Variants in CEP63 observed in about 807,000 individuals in gnomAD.
CEP63 encodes centrosomal protein of 63 kDa.
Under a neutral mutation model 89.1 loss-of-function variants are expected in CEP63, and 84 were observed. That is an observed-to-expected ratio of 0.94 (90% CI 0.79 to 1.13). CEP63 has a LOEUF of 1.13. CEP63 is among the 50% of genes most tolerant of loss of function. CEP63 has a pLI of 0.00. For synonymous variants in CEP63, 267 were observed against 272.5 expected (o/e 0.98, Z 0.20); for missense variants, 838 against 813.3 (o/e 1.03, Z -0.37).
the CEP63 span, chr3:134,619,143 C>T: frequency 4.7e-5 from 76 of 1,611,546 alleles, no homozygotes; most frequent in East Asian, 6.7e-5. Context: ...TCCTGTCTCT[C>T]GTACCTGCAC....
chr3:134,763,229 G>A, the CEP63 span, among the ~76,000 whole-genome samples: 7 of 151,788 alleles, frequency 4.6e-5, no homozygotes, highest in Non-Finnish European at 7.4e-5. Flanking sequence ...ATCCCTCCCC[G>A]CTCCCTCCAC....
chr3:134,538,165 A>T (rs1395758403), intron 6 of CEP63, among the ~76,000 whole-genome samples: 3 of 148,752 alleles, frequency 2.0e-5, no homozygotes. Flanking sequence ...ATGAGGGAAC[A>T]GCCTGGGTAA....
chr3:134,551,724 C>CATATATAT (rs71139540), intron 11 of CEP63, among the ~76,000 whole-genome samples: 4 of 81,530 alleles, frequency 4.9e-5, no homozygotes, highest in African/African-American at 1.6e-4. Flanking sequence ...TTAGAAAGTC[C>CATATATAT]ATATATATAT....
At chr3:134,506,979 T>C in intron 2 of CEP63, 130 bp from the exon 3 acceptor site, 4 of 591,318 alleles carry the variant, frequency 6.8e-6, no homozygotes. Flanking sequence ...TGGTAATTTA[T>C]TAATTTACAT....
the CEP63 span, among the ~76,000 whole-genome samples, chr3:134,683,434 G>A: frequency 1.3e-5 from 2 of 152,286 alleles, no homozygotes; most frequent in South Asian, 4.1e-4. Context: ...AGGTCAAACA[G>A]CATGATTTGG....
chr3:134,766,774 G>T, the CEP63 span, among the ~76,000 whole-genome samples: 14 of 152,190 alleles, frequency 9.2e-5, no homozygotes, highest in African/African-American at 3.4e-4. Flanking sequence ...CAGGCTCCAA[G>T]GAAAAGAGGA....
At chr3:134,533,090 A>G (rs1950165326) in intron 5 of CEP63, among the ~76,000 whole-genome samples, 190 bp downstream of exon 5, 1 of 152,214 alleles carries the variant, frequency 6.6e-6, no homozygotes, top group African/African-American at 2.4e-5. Context: ...TAACGGGGTT[A>G]CTGGCCATCA....
At chr3:134,506,795 G>A (rs1943552227) in intron 2 of CEP63, among the ~76,000 whole-genome samples, 1 of 151,830 alleles carries the variant, frequency 6.6e-6, no homozygotes, top group Admixed American at 6.6e-5. Context: ...GCGCATGCCT[G>A]TAATCCCAGC....
the CEP63 span, among the ~76,000 whole-genome samples, chr3:134,689,506 C>A: frequency 1.3e-5 from 2 of 151,640 alleles, no homozygotes; most frequent in Non-Finnish European, 2.9e-5. Context: ...GGCTGGAGTA[C>A]AGTGGCATGA....
chr3:134,566,316 ATTAATG>A (rs1957756102), downstream of CEP63, among the ~76,000 whole-genome samples: 1 of 152,202 alleles, frequency 6.6e-6, no homozygotes, highest in Non-Finnish European at 1.5e-5. Flanking sequence ...CAAAACATTT[ATTAATG>A]TTAATAATAG....
chr3:134,609,122 A>G, the CEP63 span, among the ~76,000 whole-genome samples: 1 of 152,204 alleles, frequency 6.6e-6, no homozygotes, highest in African/African-American at 2.4e-5. Context: ...CTCAAAGACA[A>G]TCAGAAGTTC....
At chr3:134,569,289 C>T (rs1183016343), downstream of CEP63, among the ~76,000 whole-genome samples, 7 of 152,220 alleles carry the variant, frequency 4.6e-5, no homozygotes, top group African/African-American at 1.7e-4. Context: ...ACTCAAAAGT[C>T]CATAGTCCAA....
intron 11 of CEP63, among the ~76,000 whole-genome samples, chr3:134,571,990 T>C (rs186126847): frequency 6.2e-4 from 94 of 152,296 alleles, no homozygotes; most frequent in African/African-American, 2.0e-3. Flanking sequence ...CCTATACTCA[T>C]AATGGAAGAA....
Position 134,531,926 on chromosome 3 carries a change from A to C in CEP63, c.304A>C (p.Lys102Gln). 6.2e-7 allele frequency: 1 copy of C among 1,610,562 alleles called. No individual in the cohort carries two copies. The highest frequency in any genetic ancestry group is 8.5e-7 in the Non-Finnish European group (1 of 1,176,920). Residue 102 changes from lysine to glutamine, a missense_variant, in exon 4 of 15, where the codon AAA becomes CAA. Coordinates refer to ENST00000675561, the MANE Select transcript of CEP63 (RefSeq NM_001353108.3). ...CATGGAATATAAGCAGGAGTTGAAG[A>C]AACTACATGAAGAAGTGAGATTTTA... ...MTMEYKQELK[K>Q]LHEELCILKR...
intron 6 of CEP63, among the ~76,000 whole-genome samples, chr3:134,542,658 C>T (rs1952289496): frequency 6.6e-6 from 1 of 152,168 alleles, no homozygotes; most frequent in African/African-American, 2.4e-5. Context: ...TTTCTTGAAG[C>T]ACCAGGAAGT....
chr3:134,683,974 A>G, the CEP63 span, among the ~76,000 whole-genome samples: 3 of 152,104 alleles, frequency 2.0e-5, no homozygotes, highest in Non-Finnish European at 4.4e-5. Flanking sequence ...GGGTGGGGTC[A>G]GGCCCACTGT....
chr3:134,592,068 T>A (rs185695047), downstream of CEP63, among the ~76,000 whole-genome samples: 4 of 152,238 alleles, frequency 2.6e-5, no homozygotes, highest in Admixed American at 2.6e-4. Context: ...TGGCTCTGGG[T>A]CTTTCATGAG....
chr3:134,684,144 G>A, the CEP63 span, among the ~76,000 whole-genome samples: 1 of 152,328 alleles, frequency 6.6e-6, no homozygotes, highest in East Asian at 1.9e-4. Flanking sequence ...GGAAAGAGAT[G>A]TAGTGTTGAC....
chr3:134,713,001 T>G, the CEP63 span, among the ~76,000 whole-genome samples: 1 of 152,204 alleles, frequency 6.6e-6, no homozygotes, highest in Non-Finnish European at 1.5e-5. Context: ...TGCTCCAGTT[T>G]TCTGTCTATG....
Sources: gnomAD v4.1 joint callset for allele counts (sites outside exome capture counted in the v4.1 genomes callset) on GRCh38, gnomAD v4.1.1 for gene constraint, MANE v1.5 for transcripts, NCBI Gene and HGNC (gene_info 2026-07-23, HGNC 2026-07-21) for gene names.